The following AARS1 variants were observed in gnomAD, a reference collection of about 807,000 sequenced individuals.
AARS1 encodes the protein alanyl-tRNA synthetase 1, also known as alanine--tRNA ligase, cytoplasmic.
AARS1 carries 72 observed loss-of-function variants against 108.9 expected under a neutral mutation model. That is an observed-to-expected ratio of 0.66 (90% CI 0.55 to 0.80). The LOEUF (loss-of-function observed/expected upper bound fraction) is 0.80. Among genes scored for constraint, AARS1 ranks in the 30% least tolerant of loss-of-function variants. The pLI, the probability that AARS1 is intolerant of heterozygous loss-of-function variation, is 0.00. For synonymous variants in AARS1, 489 were observed against 465.7 expected, an observed-to-expected ratio of 1.05 and a Z score of -0.64; for missense variants, 1,193 against 1,233.2, an observed-to-expected ratio of 0.97 and a Z score of 0.49.
intron 11 of AARS1, among the ~76,000 whole-genome samples, chr16:70,264,370 G>A (rs946154743): frequency 6.6e-6 from 1 of 151,484 alleles, no homozygotes; most frequent in Non-Finnish European, 1.5e-5. Flanking sequence ...AGGCTGGAGT[G>A]CAATGGCATG....
chr16:70,276,856 C>T, intron 3 of AARS1, 110 bp downstream of exon 3: 1 of 1,325,878 alleles, frequency 7.5e-7, no homozygotes, highest in Non-Finnish European at 1.1e-6. Context: ...ATTCCTGAAT[C>T]ACCTAGATGA....
At position 70,254,033 on chromosome 16, in the gene AARS1, C is replaced by G. The variant is rs1959916408; in HGVS notation, c.2406G>C (p.Leu802=). The change falls in exon 18 of 21, where the codon CTG becomes CTC. Residue 802 remains leucine, a synonymous_variant. Coordinates refer to ENST00000261772, the MANE Select transcript of AARS1 (RefSeq NM_001605.3). ...QREIADLGEA[L]ATAVIPQWQK... ...GCCACTGGGGGATGACTGCAGTGGC[C>G]AGGGCCTGGAACCAATAGACGACCA... 4 of 1,614,086 alleles carry G rather than the reference C, an allele frequency of 2.5e-6. No individual in the cohort carries two copies. The East Asian group carries it at 8.9e-5, about 36-fold the overall frequency.
intron 11 of AARS1, among the ~76,000 whole-genome samples, chr16:70,262,996 A>AAAAAACAAC (rs1555540563): frequency 2.3e-5 from 3 of 129,136 alleles, no homozygotes; most frequent in African/African-American, 1.0e-4. Flanking sequence ...AAAAAAAAAA[A>AAAAAACAAC]AACAACAACA....
intron 5 of AARS1, 92 bp downstream of exon 5, chr16:70,271,689 G>A (rs776384422): frequency 4.9e-5 from 63 of 1,293,892 alleles, no homozygotes; most frequent in Admixed American, 1.8e-4. Flanking sequence ...ATAAAGAAAT[G>A]AGCTTTTAGC....
intron 5 of AARS1, among the ~76,000 whole-genome samples, 200 bp from the exon 6 acceptor site, chr16:70,270,540 A>G (rs1960372889): frequency 6.6e-6 from 1 of 152,100 alleles, no homozygotes; most frequent in African/African-American, 2.4e-5. Flanking sequence ...TCTGGGGTTC[A>G]TTTAAGAGTG....
chr16:70,257,394 G>A (rs1263723593), intron 15 of AARS1, among the ~76,000 whole-genome samples: 1 of 152,056 alleles, frequency 6.6e-6, no homozygotes, highest in Non-Finnish European at 1.5e-5. Context: ...CACCCTGCGG[G>A]ACAGAGCAAG....
At chr16:70,255,072 GC>G (rs1221157386) in intron 16 of AARS1, among the ~76,000 whole-genome samples, 1 of 152,090 alleles carries the variant, frequency 6.6e-6, no homozygotes, top group Non-Finnish European at 1.5e-5. Context: ...CTACTGCACG[GC>G]CTCAGACTAA....
At chr16:70,255,363 C>A (rs1482321386) in intron 16 of AARS1, among the ~76,000 whole-genome samples, 2 of 151,972 alleles carry the variant, frequency 1.3e-5, no homozygotes, top group Non-Finnish European at 2.9e-5. Flanking sequence ...CTACACCCAG[C>A]TAATTTTTGT....
chr16:70,269,716 G>A lies in AARS1; in HGVS notation c.864C>T (p.Ala288=), dbSNP rs765247500. 30 of 1,613,938 alleles carry A rather than the reference G, an allele frequency of 1.9e-5. No homozygotes were observed. The highest frequency in any genetic ancestry group is 4.5e-5 in the East Asian group (2 of 44,890). Reference sequence around the variant, plus strand: ...CCCGGTAGGCCATGTCAATCCCATCGGCATCCTCAGCACCAACTTTCCCAG... The same window carrying A: ...CCCGGTAGGCCATGTCAATCCCATCAGCATCCTCAGCACCAACTTTCCCAG... ...PYTGKVGAED[A]DGIDMAYRVL... is the part of the protein sequence containing the mutation. The change falls in exon 7 of 21, where the codon GCC becomes GCT. Residue 288 remains alanine (A), a synonymous_variant. Coordinates refer to ENST00000261772, the MANE Select transcript of AARS1 (RefSeq NM_001605.3).
chr16:70,285,509 C>T (rs1285203914), intron 1 of AARS1, among the ~76,000 whole-genome samples: 3 of 151,960 alleles, frequency 2.0e-5, no homozygotes, highest in Non-Finnish European at 2.9e-5. Context: ...AGCGCTGTGG[C>T]GCAATCTCAG....
chr16:70,260,507 C>T (rs1210669162), intron 13 of AARS1, among the ~76,000 whole-genome samples: 1 of 152,144 alleles, frequency 6.6e-6, no homozygotes, highest in Non-Finnish European at 1.5e-5. Flanking sequence ...AAAAGCAATC[C>T]GTGAAAACAA....
In AARS1 at chr16:70,289,497, G is replaced by T; in HGVS notation, c.-98C>A. On this transcript the variant is annotated 5_prime_UTR_variant, in exon 1 of 21. Coordinates refer to ENST00000261772, the MANE Select transcript of AARS1 (RefSeq NM_001605.3). ...GCCCGCTGCACCTATTCCCGCAGAC[G>T]CGCAGCTGTACCGGCCTCAGACCAC... 2 of 446,834 alleles carry T rather than the reference G, an allele frequency of 4.5e-6. No homozygotes were observed. The highest frequency in any genetic ancestry group is 5.2e-4 in the Middle Eastern group (1 of 1,918). 27.7% of individuals were successfully genotyped at this position (446,834 alleles called of 1,614,324 possible).
At position 70,281,952 on chromosome 16, in the gene AARS1, C is replaced by A. The variant is rs533270204; in HGVS notation, c.144+668G>T. 1.7e-4 allele frequency among the ~76,000 whole-genome samples: 26 copies of A among 152,020 alleles called. No homozygotes were observed. The South Asian group carries it at 5.2e-3, about 30-fold the overall frequency. On this transcript the variant is annotated intron_variant, in intron 2 of 20. Transcript: ENST00000261772. ...GGATCACAAGGTCAGGAGATTGAGA[C>A]CATCCTGGCTAACACGGTGAAACCC...
At chr16:70,284,111 C>T (rs1377684287) in intron 1 of AARS1, among the ~76,000 whole-genome samples, 1 of 152,076 alleles carries the variant, frequency 6.6e-6, no homozygotes, top group Admixed American at 6.6e-5. Context: ...AACATCCTGG[C>T]TAACATGGTG....
At chr16:70,252,973 G>T (rs1354769123) in intron 20 of AARS1, 67 bp from the exon 21 acceptor site, 6 of 1,534,888 alleles carry the variant, frequency 3.9e-6, no homozygotes, top group Non-Finnish European at 3.6e-6. Context: ...TGCAGGGAAA[G>T]AAAGGATGGA....
intron 20 of AARS1, 94 bp from the exon 21 acceptor site, chr16:70,253,000 CCTTGCCCTGGGTGATA>C: frequency 7.3e-7 from 1 of 1,367,588 alleles, no homozygotes; most frequent in Non-Finnish European, 1.0e-6. Flanking sequence ...ATCACCCACT[CCTTGCCCTGGGTGATA>C]CTGCTGGAGG....
At chr16:70,260,957 C>T (rs1960118199) in intron 13 of AARS1, 87 bp downstream of exon 13, 11 of 1,087,978 alleles carry the variant, frequency 1.0e-5, no homozygotes, top group South Asian at 7.7e-5. Context: ...CCACCACACC[C>T]GGCCCAACAG....
At chr16:70,262,579 CCTT>C (rs1249645558) in intron 11 of AARS1, 55 bp from the exon 12 acceptor site, 47 of 1,531,572 alleles carry the variant, frequency 3.1e-5, no homozygotes, top group Non-Finnish European at 3.3e-5. Context: ...CCTTTTCACT[CCTT>C]CTTGGCTGAC....
At chr16:70,276,739 T>C in intron 3 of AARS1, 108 bp from the exon 4 acceptor site, 4 of 1,324,706 alleles carry the variant, frequency 3.0e-6, no homozygotes, top group Non-Finnish European at 4.3e-6. Context: ...ATGTTCACTC[T>C]AAATTCAAAT....
Sources: allele counts gnomAD v4.1 joint callset (sites outside exome capture counted in the v4.1 genomes callset), GRCh38; gene constraint gnomAD v4.1.1; transcripts MANE v1.5; gene names NCBI Gene and HGNC (gene_info 2026-07-23, HGNC 2026-07-21).